Variants in DNAJC10 observed in about 807,000 individuals in gnomAD.
DNAJC10 encodes DnaJ heat shock protein family (Hsp40) member C10, also known as endoplasmic reticulum disulfide reductase DNAJC10.
Under a neutral mutation model 115.0 loss-of-function variants are expected in DNAJC10, and 101 were observed. The observed-to-expected ratio is 0.88, with a 90% CI of 0.75 to 1.04. The LOEUF (loss-of-function observed/expected upper bound fraction) is 1.04. Ranked by LOEUF, DNAJC10 falls within the 50% of genes least tolerant of loss-of-function variation. The pLI, the probability that DNAJC10 is intolerant of heterozygous loss-of-function variation, is 0.00. For missense variants in DNAJC10, 981 were observed against 928.8 expected (o/e 1.06, Z -0.73); for synonymous variants, 307 against 301.5 (o/e 1.02, Z -0.19).
chr2:182,756,509 T>C, intron 18 of DNAJC10, 40 bp downstream of exon 18: 12 of 1,547,228 alleles, frequency 7.8e-6, no homozygotes, highest in Non-Finnish European at 1.1e-5. Context: ...TAACATTTAC[T>C]AAGAATGTTT....
intron 16 of DNAJC10, among the ~76,000 whole-genome samples, chr2:182,753,581 T>G (rs1298543153): frequency 7.4e-6 from 1 of 135,988 alleles, no homozygotes; most frequent in Non-Finnish European, 1.6e-5. Context: ...TTAGTTTAGT[T>G]TTTTTTTTTT....
At chr2:182,774,910 T>G (rs1422435904) in intron 22 of DNAJC10, among the ~76,000 whole-genome samples, 1 of 152,186 alleles carries the variant, frequency 6.6e-6, no homozygotes, top group East Asian at 1.9e-4. Flanking sequence ...GATACCTCAG[T>G]TGGAAGTGCA....
intron 23 of DNAJC10, 49 bp from the exon 24 acceptor site, chr2:182,777,072 C>A: frequency 1.6e-6 from 2 of 1,247,260 alleles, no homozygotes; most frequent in Non-Finnish European, 1.1e-6. Context: ...TTTAACATTA[C>A]CAACTCATAC....
chr2:182,728,120 A>G (rs1049990922), intron 5 of DNAJC10, among the ~76,000 whole-genome samples: 6 of 152,310 alleles, frequency 3.9e-5, no homozygotes, highest in East Asian at 3.9e-4. Context: ...TAGCTGTCAG[A>G]ATTGACTAAA....
chr2:182,743,289 ATC>A (rs1374631110), intron 13 of DNAJC10, among the ~76,000 whole-genome samples: 1 of 152,030 alleles, frequency 6.6e-6, no homozygotes, highest in African/African-American at 2.4e-5. Context: ...TCTGAAAGTG[ATC>A]TCTCCTCTAT....
At chr2:182,758,605 T>A (rs191176486) in intron 19 of DNAJC10, among the ~76,000 whole-genome samples, 1 of 152,276 alleles carries the variant, frequency 6.6e-6, no homozygotes, top group East Asian at 1.9e-4. Context: ...AGATGTCCAG[T>A]AGACAGCTAG....
At chr2:182,717,886 G>A in intron 2 of DNAJC10, 55 bp from the exon 3 acceptor site, 2 of 425,284 alleles carry the variant, frequency 4.7e-6, no homozygotes, top group Non-Finnish European at 8.3e-6. Flanking sequence ...TAAATAAATT[G>A]TGCTATTATT....
intron 22 of DNAJC10, among the ~76,000 whole-genome samples, chr2:182,763,284 T>G (rs1180114847): frequency 6.6e-6 from 1 of 152,146 alleles, no homozygotes; most frequent in East Asian, 1.9e-4. Flanking sequence ...GATAAAGTAT[T>G]TGCCATGTAC....
intron 22 of DNAJC10, among the ~76,000 whole-genome samples, chr2:182,767,405 T>C (rs1694441846): frequency 6.6e-6 from 1 of 152,146 alleles, no homozygotes; most frequent in Non-Finnish European, 1.5e-5. Flanking sequence ...TAAGTAGCTG[T>C]TGCACTGTTT....
chr2:182,719,846 A>G (rs1693102636), intron 3 of DNAJC10, among the ~76,000 whole-genome samples, 161 bp from the exon 4 acceptor site: 1 of 126,572 alleles, frequency 7.9e-6, no homozygotes, highest in African/African-American at 3.0e-5. Context: ...AAAATACTTC[A>G]TTTCAACCCA....
chr2:182,728,303 G>T (rs1167373707), intron 5 of DNAJC10, among the ~76,000 whole-genome samples: 1 of 152,132 alleles, frequency 6.6e-6, no homozygotes, highest in African/African-American at 2.4e-5. Flanking sequence ...GTTTGAGGCT[G>T]CTTCTTTTTC....
intron 22 of DNAJC10, among the ~76,000 whole-genome samples, chr2:182,772,642 GTGTTTTGTTTTGTTT>G (rs372492290): frequency 7.1e-6 from 1 of 141,236 alleles, no homozygotes; most frequent in Non-Finnish European, 1.6e-5. Context: ...GCAACCCATG[GTGTTTTGTTTTGTTT>G]TGTTTTGTTT....
intron 11 of DNAJC10, 55 bp from the exon 12 acceptor site, chr2:182,740,244 T>C: frequency 8.1e-7 from 1 of 1,231,004 alleles, no homozygotes; most frequent in South Asian, 2.0e-5. Context: ...ACAAAAGATA[T>C]CAAATATAAT....
intron 22 of DNAJC10, among the ~76,000 whole-genome samples, chr2:182,766,571 A>G (rs1035678667): frequency 6.6e-6 from 1 of 152,186 alleles, no homozygotes; most frequent in Non-Finnish European, 1.5e-5. Context: ...CTACCCACAG[A>G]GGCCTGGGGC....
chr2:182,751,924 T>C, intron 15 of DNAJC10, 139 bp downstream of exon 15: 1 of 1,239,092 alleles, frequency 8.1e-7, no homozygotes, highest in Non-Finnish European at 1.1e-6. Flanking sequence ...ATATTGCTTT[T>C]AAATGAGTGC....
chr2:182,743,339 G>A (rs1322037198), intron 13 of DNAJC10, among the ~76,000 whole-genome samples: 1 of 152,092 alleles, frequency 6.6e-6, no homozygotes, highest in Non-Finnish European at 1.5e-5. Context: ...TCTTCAAAAA[G>A]TAGGTTTCTG....
chr2:182,725,866 C>T (rs1693270625), intron 5 of DNAJC10, among the ~76,000 whole-genome samples: 1 of 152,128 alleles, frequency 6.6e-6, no homozygotes. Flanking sequence ...GAAGAAGATG[C>T]TATCTGGGAC....
rs1333536941 is a variant in DNAJC10 at position 182,788,758 on chromosome 2, A to G, written c.*11626A>G. On this transcript the variant is annotated 3_prime_UTR_variant, in exon 24 of 24. Transcript: ENST00000264065. ...TTCCTACTTGGGAAAACGGAAAGGT[A>G]GACTATTCAGAAGTTTTCTAAAATG... 1 of 449,524 alleles carries G rather than the reference A, an allele frequency of 2.2e-6. No individual in the cohort carries two copies. The highest frequency in any genetic ancestry group is 2.0e-5 in the African/African-American group (1 of 49,538). 27.8% of individuals were successfully genotyped at this position (449,524 alleles called of 1,614,324 possible).
intron 14 of DNAJC10, among the ~76,000 whole-genome samples, chr2:182,751,386 G>A (rs537699995): frequency 1.3e-5 from 2 of 151,870 alleles, no homozygotes; most frequent in South Asian, 2.1e-4. Context: ...TGCCCACCTC[G>A]GCCTCTCAAA....
Sources: allele counts gnomAD v4.1 joint callset (sites outside exome capture counted in the v4.1 genomes callset), GRCh38; gene constraint gnomAD v4.1.1; transcripts MANE v1.5; gene names NCBI Gene and HGNC (gene_info 2026-07-23, HGNC 2026-07-21).